The following AEBP2 variants were observed in gnomAD, a reference collection of about 807,000 sequenced individuals.
AEBP2 encodes the protein zinc finger protein AEBP2.
Under a neutral mutation model 50.8 loss-of-function variants are expected in AEBP2, and 10 were observed. The ratio of observed to expected loss-of-function variants is 0.20; its 90% CI spans 0.12 to 0.33. The LOEUF is 0.33. Ranked by LOEUF, AEBP2 falls within the 10% of genes least tolerant of loss-of-function variation. AEBP2 has a pLI of 1.00. For missense variants in AEBP2, 570 were observed against 688.0 expected (o/e 0.83, Z 1.92); for synonymous variants, 296 against 261.3 (o/e 1.13, Z -1.28).
intron 2 of AEBP2, among the ~76,000 whole-genome samples, chr12:19,470,327 T>A (rs10770490): frequency 0.42 from 64,244 of 151,898 alleles, 14,759 homozygotes; most frequent in Non-Finnish European, 0.54. Context: ...TCGGCTAATT[T>A]TGTATTTTCA....
chr12:19,456,027 G>A (rs1247554726), intron 1 of AEBP2, among the ~76,000 whole-genome samples: 3 of 151,428 alleles, frequency 2.0e-5, no homozygotes, highest in African/African-American at 7.3e-5. Context: ...CCATTAAAAA[G>A]TACTGATTTT....
Position 19,473,370 on chromosome 12 carries a change from A to T in AEBP2, c.987+15A>T. The T allele has an allele frequency of 2.1e-6, 2 of 953,364 alleles. No individual in the cohort carries two copies. Among genetic ancestry groups the T allele is most frequent in the South Asian group, 5.8e-5 (2 of 34,508 alleles). The allele number at this position is 953,364 out of a possible 1,614,324, so 59.1% of individuals were successfully genotyped here. A position where few individuals can be genotyped will look rare whatever the true frequency, so the allele number is the denominator to read the frequency against. On this transcript the variant is annotated intron_variant, in intron 3 of 7. Transcript: ENST00000266508. The stretch of plus-strand genomic sequence containing the variant: ...AACCTTTCAAGGTAAGGATGCATGT[A>T]TATAAAATTTATTTATTTATTTATT...
chr12:19,483,816 A>G (rs540427229), intron 3 of AEBP2, among the ~76,000 whole-genome samples: 1 of 152,310 alleles, frequency 6.6e-6, no homozygotes, highest in African/African-American at 2.4e-5. Context: ...TGAATCCTGA[A>G]TATGTATCAT....
intron 1 of AEBP2, chr12:19,456,802 C>A: frequency 6.4e-7 from 1 of 1,564,444 alleles, no homozygotes; most frequent in South Asian, 1.1e-5. Context: ...GCAAAGGTGA[C>A]CACCATACCA....
At chr12:19,486,350 C>T (rs145206466) in intron 3 of AEBP2, among the ~76,000 whole-genome samples, 1 of 152,208 alleles carries the variant, frequency 6.6e-6, no homozygotes, top group Non-Finnish European at 1.5e-5. Flanking sequence ...CATTCACTTC[C>T]TTTTGGGCAT....
At chr12:19,478,795 T>A (rs1456553586) in intron 3 of AEBP2, among the ~76,000 whole-genome samples, 2 of 152,222 alleles carry the variant, frequency 1.3e-5, no homozygotes, top group Non-Finnish European at 2.9e-5. Context: ...CTTTTGGAGT[T>A]AATTTCCAGT....
intron 3 of AEBP2, among the ~76,000 whole-genome samples, chr12:19,493,067 T>C (rs2120448070): frequency 6.6e-6 from 1 of 152,308 alleles, no homozygotes; most frequent in Middle Eastern, 3.4e-3. Flanking sequence ...CACTAGGAAG[T>C]CTGCTGAAGG....
rs1290150913 is a variant in AEBP2 at position 19,409,998 on chromosome 12, G to A, written c.-17+5782G>A. ...TGACTGGTAGCTAAAAATGCTCCAG[G>A]GACCTGATTTCAACCCATAGCTTTT... is the stretch of plus-strand genomic sequence containing the variant. On this transcript the variant is annotated intron_variant, in intron 1 of 3. Transcript: ENST00000538425. Among the ~76,000 whole-genome samples the A allele has an allele frequency of 3.3e-5, 5 of 152,032 alleles. No homozygotes were observed. In the South Asian group the frequency reaches 6.2e-4, roughly 19 times the overall value.
chr12:19,438,395 C>A (rs1947883057), upstream of AEBP2, among the ~76,000 whole-genome samples: 1 of 152,064 alleles, frequency 6.6e-6, no homozygotes, highest in African/African-American at 2.4e-5. Flanking sequence ...TTTTTTTATG[C>A]GAACAAGTTT....
At chr12:19,511,950 A>C (rs928472397) in intron 5 of AEBP2, among the ~76,000 whole-genome samples, 9 of 152,168 alleles carry the variant, frequency 5.9e-5, no homozygotes, top group African/African-American at 2.2e-4. Context: ...TGAGTGCTAC[A>C]AGACAGGGAA....
intron 1 of AEBP2, among the ~76,000 whole-genome samples, chr12:19,451,352 C>G (rs992609147): frequency 6.6e-6 from 1 of 152,106 alleles, no homozygotes; most frequent in Non-Finnish European, 1.5e-5. Context: ...GCTGGGAAGA[C>G]TCAAAACAGC....
chr12:19,495,455 A>T (rs565832656), intron 4 of AEBP2, among the ~76,000 whole-genome samples: 1 of 152,296 alleles, frequency 6.6e-6, no homozygotes, highest in East Asian at 1.9e-4. Context: ...AAATGAACAA[A>T]CCAGAAAACT....
intron 1 of AEBP2, among the ~76,000 whole-genome samples, chr12:19,444,393 GGAGT>G (rs1948021045): frequency 1.3e-5 from 2 of 152,164 alleles, no homozygotes; most frequent in Admixed American, 1.3e-4. Flanking sequence ...AAATGCCCGT[GGAGT>G]TAGTTAACAA....
intron 1 of AEBP2, 111 bp from the exon 2 acceptor site, chr12:19,462,399 T>G (rs978389328): frequency 3.9e-5 from 34 of 876,218 alleles, no homozygotes; most frequent in Non-Finnish European, 5.4e-5. Context: ...TTACTATGCT[T>G]TGTTCACATG....
chr12:19,428,993 A>C (rs1196109193), intron 1 of AEBP2, among the ~76,000 whole-genome samples: 1 of 151,758 alleles, frequency 6.6e-6, no homozygotes, highest in Non-Finnish European at 1.5e-5. Context: ...TTTTTCCATT[A>C]TACTTTAAGT....
At chr12:19,461,533 C>T (rs886372464) in intron 1 of AEBP2, among the ~76,000 whole-genome samples, 5 of 151,756 alleles carry the variant, frequency 3.3e-5, no homozygotes, top group South Asian at 4.2e-4. Context: ...TTTTTTGAGA[C>T]GGAGTTTTGC....
intron 1 of AEBP2, among the ~76,000 whole-genome samples, chr12:19,415,072 G>T (rs1366562375): frequency 6.6e-6 from 1 of 151,286 alleles, no homozygotes; most frequent in African/African-American, 2.4e-5. Context: ...AACTTTGGGA[G>T]ACTGAGGCGG....
chr12:19,484,595 G>A (rs530571448), intron 3 of AEBP2, among the ~76,000 whole-genome samples: 19 of 152,038 alleles, frequency 1.2e-4, no homozygotes, highest in East Asian at 3.9e-4. Context: ...GGATGGTCTC[G>A]ATCTCTTGAC....
chr12:19,414,211 G>A (rs1488973919), intron 1 of AEBP2, among the ~76,000 whole-genome samples: 4 of 151,984 alleles, frequency 2.6e-5, no homozygotes, highest in African/African-American at 4.8e-5. Context: ...TTTATGACCC[G>A]TATCTTGTGC....
Sources: gnomAD v4.1 joint callset for allele counts (sites outside exome capture counted in the v4.1 genomes callset) on GRCh38, gnomAD v4.1.1 for gene constraint, MANE v1.5 for transcripts, NCBI Gene and HGNC (gene_info 2026-07-23, HGNC 2026-07-21) for gene names.